Variants in CCNK observed in about 807,000 individuals in gnomAD.
The protein encoded by CCNK is cyclin K, also known as cyclin-K.
A neutral mutation model predicts 65.0 loss-of-function variants in CCNK; 9 were observed. The ratio of observed to expected loss-of-function variants is 0.14; its 90% CI spans 0.08 to 0.24. The LOEUF (loss-of-function observed/expected upper bound fraction) is 0.24, where lower values mean the gene tolerates loss of function less well. Ranked by LOEUF, CCNK falls within the 10% of genes least tolerant of loss-of-function variation. The pLI, the probability that CCNK is intolerant of heterozygous loss-of-function variation, is 1.00. For missense variants in CCNK, 474 were observed against 720.0 expected, an observed-to-expected ratio of 0.66 and a Z score of 3.91; for synonymous variants, 279 against 270.8, an observed-to-expected ratio of 1.03 and a Z score of -0.30.
chr14:99,510,177 G>A lies in CCNK; in HGVS notation c.1138G>A (p.Ala380Thr), dbSNP rs754369845. 2 of 1,598,474 alleles carry A rather than the reference G, an allele frequency of 1.3e-6. No individual in the cohort carries two copies. Among genetic ancestry groups the A allele is most frequent in the South Asian group, 2.2e-5 (2 of 88,936 alleles). The change falls in exon 11 of 11, where the codon GCT (alanine) becomes ACT (threonine). Residue 380 changes from alanine (A) to threonine (T), a missense_variant. Around this residue, in one of 6 missense-constraint regions of CCNK, gnomAD observed 229 missense variants for 275.5 expected, o/e 0.83. Transcript: ENST00000389879. The part of the protein sequence containing the change: ...PPPDRKPPLA[A>T]ALGEAEPPGP... ...TGCAGACCGGAAGCCTCCCCTCGCT[G>A]CTGCCTTAGGTGAGGCTGAGCCGCC...
At chr14:99,490,611 A>G (rs937459699) in intron 1 of CCNK, among the ~76,000 whole-genome samples, 2 of 152,090 alleles carry the variant, frequency 1.3e-5, no homozygotes, top group Non-Finnish European at 2.9e-5. Flanking sequence ...ATTGGTAAAT[A>G]TTTTTTGAAT....
intron 4 of CCNK, 164 bp from the exon 5 acceptor site, chr14:99,500,602 G>A (rs1040728075): frequency 3.3e-6 from 2 of 597,396 alleles, no homozygotes; most frequent in South Asian, 4.1e-5. Flanking sequence ...ATTTATCAGT[G>A]TCTCTGAGCA....
chr14:99,491,233 A>G (rs989160851), intron 1 of CCNK, among the ~76,000 whole-genome samples: 19 of 152,202 alleles, frequency 1.2e-4, no homozygotes, highest in African/African-American at 3.4e-4. Flanking sequence ...TAGTTAGGAC[A>G]ATATTTTCAG....
intron 5 of CCNK, 169 bp downstream of exon 5, chr14:99,501,040 CTTTT>C (rs1238047376): frequency 2.0e-5 from 12 of 614,762 alleles, no homozygotes; most frequent in African/African-American, 3.7e-5. Flanking sequence ...ATGCTGTTTC[CTTTT>C]ATGTATAAAC....
intron 10 of CCNK, chr14:99,507,975 GA>G (rs1237030694): frequency 2.0e-5 from 3 of 152,366 alleles, no homozygotes; most frequent in African/African-American, 4.8e-5. Context: ...GAGAAGGCCA[GA>G]GTGACCTGTG....
intron 1 of CCNK, among the ~76,000 whole-genome samples, chr14:99,489,291 T>G (rs1441008772): frequency 6.6e-6 from 1 of 152,234 alleles, no homozygotes; most frequent in Non-Finnish European, 1.5e-5. Flanking sequence ...ATATTTGCTT[T>G]ATTCCACAAC....
chr14:99,502,094 T>G, intron 6 of CCNK, 113 bp from the exon 7 acceptor site: 2 of 1,175,354 alleles, frequency 1.7e-6, no homozygotes, highest in Non-Finnish European at 1.1e-6. Flanking sequence ...GTACTTTAAT[T>G]AAATTTAGGG....
intron 6 of CCNK, 173 bp from the exon 7 acceptor site, chr14:99,502,033 AC>A: frequency 1.6e-6 from 1 of 639,124 alleles, no homozygotes; most frequent in Non-Finnish European, 2.4e-6. Flanking sequence ...GGTTAAAGTA[AC>A]TTAGTCGGGT....
At chr14:99,482,062 T>C (rs1433897042) in intron 1 of CCNK, among the ~76,000 whole-genome samples, 1 of 152,230 alleles carries the variant, frequency 6.6e-6, no homozygotes, top group Non-Finnish European at 1.5e-5. Flanking sequence ...AGAGAAATTG[T>C]TCTTTAGAAA....
chr14:99,491,163 A>G (rs552845153), intron 1 of CCNK, among the ~76,000 whole-genome samples: 4 of 152,334 alleles, frequency 2.6e-5, no homozygotes, highest in Admixed American at 2.0e-4. Context: ...TTTTGCCATT[A>G]TAAATAACAC....
At chr14:99,505,184 C>G (rs777271342) in intron 9 of CCNK, 1 of 152,160 alleles carries the variant, frequency 6.6e-6, no homozygotes, top group Admixed American at 6.5e-5. Flanking sequence ...CCCCTGGCAG[C>G]AGTAAATAGG....
chr14:99,501,758 C>T (rs1246447009), intron 6 of CCNK: 1 of 263,052 alleles, frequency 3.8e-6, no homozygotes, highest in East Asian at 9.5e-5. Context: ...AGCCTTAACA[C>T]TCTTTTGAGA....
rs1158177680 is a variant in CCNK, at chr14:99,510,148, C to T, written c.1118-9C>T. The stretch of plus-strand genomic sequence containing the variant: ...GGAGGCCGGGCACTGATGCGTCTCT[C>T]TCCTGCAGACCGGAAGCCTCCCCTC... On this transcript the variant is annotated splice_polypyrimidine_tract_variant and intron_variant, in intron 10 of 10. Coordinates refer to ENST00000389879, the MANE Select transcript of CCNK (RefSeq NM_001099402.2). 1 of 1,592,156 alleles carries T rather than the reference C, an allele frequency of 6.3e-7. No individual in the cohort carries two copies. Among genetic ancestry groups the T allele is most frequent in the Admixed American group, 1.7e-5 (1 of 58,370 alleles).
At chr14:99,490,069 T>G (rs1207958913) in intron 1 of CCNK, among the ~76,000 whole-genome samples, 1 of 152,238 alleles carries the variant, frequency 6.6e-6, no homozygotes, top group East Asian at 1.9e-4. Context: ...TATAGTATTT[T>G]GCATTGTAAA....
intron 4 of CCNK, among the ~76,000 whole-genome samples, chr14:99,496,929 G>GT (rs1171349694): frequency 0.031 from 705 of 22,818 alleles, 6 homozygotes; most frequent in Admixed American, 0.097. Context: ...AAAAAAAAAT[G>GT]CTTTTTTTTT....
intron 10 of CCNK, chr14:99,509,868 G>A: frequency 2.0e-6 from 1 of 498,462 alleles, no homozygotes. Context: ...TGGGGCCAGG[G>A]CACAAGGGGG....
intron 8 of CCNK, 104 bp from the exon 9 acceptor site, chr14:99,503,507 C>G (rs1277255129): frequency 1.4e-5 from 14 of 968,228 alleles, no homozygotes; most frequent in Non-Finnish European, 1.7e-5. Context: ...CGAGGCTGTT[C>G]ACAGTGACTG....
At chr14:99,494,715 A>G (rs138242281) in intron 3 of CCNK, 1 of 152,416 alleles carries the variant, frequency 6.6e-6, no homozygotes, top group African/African-American at 2.4e-5. Flanking sequence ...TTCTTCATCC[A>G]TTCAGGCTGC....
At chr14:99,493,453 C>A in intron 2 of CCNK, 61 bp from the exon 3 acceptor site, 1 of 1,013,938 alleles carries the variant, frequency 9.9e-7, no homozygotes, top group Non-Finnish European at 1.5e-6. Context: ...TGTTTTTCTA[C>A]ATTTAACTAA....
Sources: gnomAD v4.1 joint callset for allele counts (sites outside exome capture counted in the v4.1 genomes callset) on GRCh38, gnomAD v4.1.1 for gene constraint, gnomAD v4.1.1 regional missense constraint, MANE v1.5 for transcripts, NCBI Gene and HGNC (gene_info 2026-07-23, HGNC 2026-07-21) for gene names.